The following PTPRD variants were observed in gnomAD, a reference collection of about 807,000 sequenced individuals.
The protein encoded by PTPRD is receptor-type tyrosine-protein phosphatase delta.
In PTPRD, 34 loss-of-function variants were observed where a neutral mutation model predicts 214.5. That is an observed-to-expected ratio of 0.16 (90% confidence interval 0.12 to 0.21). The LOEUF (loss-of-function observed/expected upper bound fraction) is 0.21. PTPRD is among the 10% of genes least tolerant of loss of function. The pLI is 1.00. For synonymous variants in PTPRD, 1,128 were observed against 845.7 expected (o/e 1.33, Z -5.79); for missense variants, 2,545 against 2,398.7 (o/e 1.06, Z -1.27).
intron 6 of PTPRD, among the ~76,000 whole-genome samples, chr9:9,735,064 T>A (rs1330546661): frequency 1.3e-5 from 2 of 152,124 alleles, no homozygotes; most frequent in African/African-American, 2.4e-5. Context: ...GATATTATAA[T>A]GACAAAGATA....
chr9:9,032,042 T>G (rs1398941939), intron 10 of PTPRD, among the ~76,000 whole-genome samples: 3 of 152,036 alleles, frequency 2.0e-5, no homozygotes, highest in Admixed American at 2.0e-4. Context: ...TAAAAAGCTT[T>G]TTTTCCATAA....
At chr9:9,613,680 AC>A (rs1043103983) in intron 7 of PTPRD, among the ~76,000 whole-genome samples, 6 of 152,062 alleles carry the variant, frequency 3.9e-5, no homozygotes, top group Admixed American at 3.9e-4. Flanking sequence ...ACTCATTTCT[AC>A]AGTAAGTATG....
intron 7 of PTPRD, among the ~76,000 whole-genome samples, chr9:9,636,532 T>A (rs1465670394): frequency 6.6e-6 from 1 of 152,192 alleles, no homozygotes; most frequent in Non-Finnish European, 1.5e-5. Flanking sequence ...CAATGAGATA[T>A]AAGAAGAAAT....
intron 44 of PTPRD, among the ~76,000 whole-genome samples, chr9:8,330,680 A>AACTTCATTATCATAGAGCCAAATAATAG (rs1839497699): frequency 6.6e-6 from 1 of 152,160 alleles, no homozygotes; most frequent in Non-Finnish European, 1.5e-5. Context: ...AGTCCAGAGA[A>AACTTCATTATCATAGAGCCAAATAATAG]ACTTCATTAT....
chr9:8,592,762 A>G (rs2094206383), intron 14 of PTPRD, among the ~76,000 whole-genome samples: 1 of 152,220 alleles, frequency 6.6e-6, no homozygotes, highest in South Asian at 2.1e-4. Context: ...AGTGCTTAAA[A>G]GATAACAAAT....
chr9:8,964,650 A>T (rs780906994), intron 11 of PTPRD, among the ~76,000 whole-genome samples: 7 of 152,000 alleles, frequency 4.6e-5, no homozygotes, highest in Non-Finnish European at 7.4e-5. Context: ...ATGCTGAATC[A>T]TTAATTTGAG....
intron 3 of PTPRD, among the ~76,000 whole-genome samples, chr9:10,234,966 G>A (rs191680252): frequency 4.4e-4 from 67 of 151,478 alleles, no homozygotes; most frequent in African/African-American, 1.5e-3. Flanking sequence ...ATATTTTAGT[G>A]CAACATACAA....
rs1343966717 is a variant in PTPRD at position 9,369,854 on chromosome 9, T to G, written c.-203+27595A>C. Among the ~76,000 whole-genome samples, 3 of 152,280 alleles carry G rather than the reference T, an allele frequency of 2.0e-5. No homozygotes were observed. In the East Asian group the frequency reaches 5.8e-4, roughly 29 times the overall value. On this transcript the variant is annotated intron_variant, in intron 9 of 45. Transcript: ENST00000381196. ...GGCTAGCCAGTTTTCCCAGAACCATTTATTAAATAGGGAATCCTTTCCCCA... is the reference window on the plus strand; with the variant it reads ...GGCTAGCCAGTTTTCCCAGAACCATGTATTAAATAGGGAATCCTTTCCCCA...
intron 12 of PTPRD, among the ~76,000 whole-genome samples, chr9:8,730,299 A>T (rs1036896438): frequency 3.9e-5 from 6 of 152,170 alleles, no homozygotes; most frequent in African/African-American, 1.4e-4. Flanking sequence ...GTATATAGTG[A>T]CTACAGCAAG....
rs34720946 is a variant in PTPRD at position 8,722,123 on chromosome 9, C to CTGTGTGTGTGTGTG, written c.64+11643_64+11656dup. ...ATTTCTCCATACATTAAGTATTACTCTGTGTGTGTGTGTGTGTGTGTGTGT... is the reference window on the plus strand; with the variant it reads ...ATTTCTCCATACATTAAGTATTACTCTGTGTGTGTGTGTGTGTGTGTGTGTGTGTGTGTGTGTGT... On this transcript the variant is annotated intron_variant, in intron 12 of 45. Transcript: ENST00000381196. 6.0e-3 allele frequency among the ~76,000 whole-genome samples: 884 copies of CTGTGTGTGTGTGTG among 147,448 alleles called. 7 individuals are homozygous for CTGTGTGTGTGTGTG. Among genetic ancestry groups the CTGTGTGTGTGTGTG allele is most frequent in the South Asian group, 0.017 (74 of 4,482 alleles).
chr9:10,118,060 T>C (rs1010355407), intron 3 of PTPRD, among the ~76,000 whole-genome samples: 2 of 152,020 alleles, frequency 1.3e-5, no homozygotes, highest in African/African-American at 4.8e-5. Flanking sequence ...GGTGCAATAG[T>C]TCACTTGTAA....
intron 9 of PTPRD, among the ~76,000 whole-genome samples, chr9:9,370,812 T>C (rs2059272507): frequency 6.6e-6 from 1 of 152,192 alleles, no homozygotes; most frequent in Non-Finnish European, 1.5e-5. Context: ...TTGAGAGTTT[T>C]TAGCATGAAG....
chr9:9,253,889 C>T (rs1013146106), intron 9 of PTPRD, among the ~76,000 whole-genome samples: 1 of 152,066 alleles, frequency 6.6e-6, no homozygotes. Context: ...GCTGCACTTC[C>T]TGCAGAGGGC....
chr9:10,472,398 T>A (rs549977425), intron 2 of PTPRD, among the ~76,000 whole-genome samples: 2 of 151,904 alleles, frequency 1.3e-5, no homozygotes, highest in East Asian at 3.9e-4. Context: ...CATTCAAGAA[T>A]TTATAATTTA....
chr9:10,554,616 C>T (rs1193503902), intron 2 of PTPRD, among the ~76,000 whole-genome samples: 1 of 151,628 alleles, frequency 6.6e-6, no homozygotes, highest in African/African-American at 2.4e-5. Flanking sequence ...TTTATACATC[C>T]CTAAAGATGA....
In PTPRD at chr9:8,498,918, G is replaced by T. The variant is rs139946709; in HGVS notation, c.2322+729C>A. 3.5e-3 allele frequency among the ~76,000 whole-genome samples: 533 copies of T among 152,242 alleles called. 6 individuals carry two copies. The highest frequency in any genetic ancestry group is 0.032 in the Admixed American group (494 of 15,296). The stretch of plus-strand genomic sequence containing the variant: ...ATGAAAAATTTTGGAAATTTTCAAT[G>T]CTCTGTTTTAAACAACTAATTATAA... On this transcript the variant is annotated intron_variant, in intron 25 of 45. Coordinates refer to ENST00000381196, the MANE Select transcript of PTPRD (RefSeq NM_002839.4).
chr9:9,762,034 C>T (rs1211382955), intron 6 of PTPRD, among the ~76,000 whole-genome samples: 1 of 152,124 alleles, frequency 6.6e-6, no homozygotes, highest in Non-Finnish European at 1.5e-5. Flanking sequence ...TCAAGTGTGG[C>T]AGCACCACCT....
chr9:10,038,531 C>G (rs2097232161), intron 3 of PTPRD, among the ~76,000 whole-genome samples: 1 of 152,032 alleles, frequency 6.6e-6, no homozygotes, highest in African/African-American at 2.4e-5. Flanking sequence ...TGTAGTTACT[C>G]CACAACCTCA....
intron 11 of PTPRD, among the ~76,000 whole-genome samples, chr9:8,790,923 G>T (rs2096204883): frequency 6.6e-6 from 1 of 152,144 alleles, no homozygotes; most frequent in South Asian, 2.1e-4. Flanking sequence ...CGCCACGTGT[G>T]GTTACTAGCT....
Sources: gnomAD v4.1 joint callset for allele counts (sites outside exome capture counted in the v4.1 genomes callset) on GRCh38, gnomAD v4.1.1 for gene constraint, MANE v1.5 for transcripts, NCBI Gene and HGNC (gene_info 2026-07-23, HGNC 2026-07-21) for gene names.